DNAH8: variants seen among roughly 807,000 people sequenced by gnomAD.
DNAH8 encodes axonemal beta dynein heavy chain 8.
A neutral mutation model predicts 562.1 loss-of-function variants in DNAH8; 382 were observed. The ratio of observed to expected loss-of-function variants is 0.68; its 90% CI spans 0.63 to 0.74. The LOEUF (loss-of-function observed/expected upper bound fraction) is 0.74. Ranked by LOEUF, DNAH8 falls within the 30% of genes least tolerant of loss-of-function variation. DNAH8 has a pLI of 0.00. For synonymous variants in DNAH8, 1,881 were observed against 1,919.4 expected (o/e 0.98, Z 0.52); for missense variants, 5,203 against 5,620.4 (o/e 0.93, Z 2.37).
intron 4 of DNAH8, among the ~76,000 whole-genome samples, chr6:38,733,209 A>G (rs976628089): frequency 9.3e-5 from 13 of 139,764 alleles, no homozygotes; most frequent in African/African-American, 3.3e-4. Context: ...TATTTCTTTT[A>G]TTACATTTTA....
chr6:38,724,272 C>T (rs578195445), intron 3 of DNAH8, among the ~76,000 whole-genome samples: 3 of 152,226 alleles, frequency 2.0e-5, no homozygotes, highest in Admixed American at 2.0e-4. Flanking sequence ...TGAGCCACCG[C>T]ACCTGGCCCA....
chr6:38,842,070 G>A (rs1267120632), intron 33 of DNAH8, among the ~76,000 whole-genome samples: 3 of 152,156 alleles, frequency 2.0e-5, no homozygotes, highest in Non-Finnish European at 2.9e-5. Flanking sequence ...GCAATGATTG[G>A]TATAGTAAGT....
intron 45 of DNAH8, 34 bp from the exon 46 acceptor site, chr6:38,866,557 A>G (rs1777044876): frequency 7.0e-7 from 1 of 1,430,068 alleles, no homozygotes; most frequent in South Asian, 1.3e-5. Flanking sequence ...AAATTGTTTT[A>G]GCAATTAAAA....
At chr6:38,802,657 C>T (rs1418816714) in intron 21 of DNAH8, among the ~76,000 whole-genome samples, 1 of 152,298 alleles carries the variant, frequency 6.6e-6, no homozygotes, top group Non-Finnish European at 1.5e-5. Flanking sequence ...GTTTTCTCTG[C>T]TGTGAAATGG....
Position 38,822,926 on chromosome 6 carries a change from G to T in DNAH8, c.3612G>T (p.Leu1204=), listed in dbSNP as rs1773000063. The change falls in exon 27 of 93, where the codon CTG becomes CTT. Residue 1204 remains leucine, a synonymous_variant. Coordinates refer to ENST00000327475, the MANE Select transcript of DNAH8 (RefSeq NM_001206927.2). Reference sequence around the variant, plus strand: ...ACAAGGATATTTCTAAGTTGGTCCTGCTCCTTTCTTCCTCTGTAAATTCCC... The same window carrying T: ...ACAAGGATATTTCTAAGTTGGTCCTTCTCCTTTCTTCCTCTGTAAATTCCC... ...AEHKDISKLV[L]LLSSSVNSLR... is the part of the protein sequence containing the mutation. 2 of 1,613,520 alleles carry T rather than the reference G, an allele frequency of 1.2e-6. No homozygotes were observed. Among genetic ancestry groups the T allele is most frequent in the African/African-American group, 1.3e-5 (1 of 74,902 alleles).
Position 38,770,502 on chromosome 6 carries a change from G to A in DNAH8, c.1707G>A (p.Glu569=). ...AATCCTCAGGGGAAAAATCTTTTGA[G>A]GTTTCAGAAATGTATATATTTGGAA... ...ISESSGEKSF[E]VSEMYIFGKF... The change falls in exon 12 of 93, where the codon GAG becomes GAA. Residue 569 remains glutamate, a synonymous_variant. Transcript: ENST00000327475. 2 of 1,607,736 alleles carry A rather than the reference G, an allele frequency of 1.2e-6. No individual in the cohort carries two copies. Among genetic ancestry groups the A allele is most frequent in the South Asian group, 1.1e-5 (1 of 89,370 alleles).
chr6:38,725,614 C>T (rs565409105), intron 3 of DNAH8, among the ~76,000 whole-genome samples: 6 of 152,176 alleles, frequency 3.9e-5, no homozygotes, highest in African/African-American at 7.2e-5. Flanking sequence ...AGCAAGCAAC[C>T]GGAAGTAGGT....
chr6:38,813,628 A>G (rs1771990949), intron 24 of DNAH8, among the ~76,000 whole-genome samples: 1 of 152,176 alleles, frequency 6.6e-6, no homozygotes, highest in Non-Finnish European at 1.5e-5. Flanking sequence ...CTGTCTGTGC[A>G]TGAGTGATAT....
intron 75 of DNAH8, chr6:38,931,372 AC>A (rs1237030450): frequency 3.9e-5 from 6 of 152,268 alleles, no homozygotes; most frequent in African/African-American, 1.4e-4. Context: ...CTTCAGATAT[AC>A]CTATGAAATT....
At chr6:38,789,478 G>A (rs1769491369) in intron 18 of DNAH8, among the ~76,000 whole-genome samples, 1 of 152,088 alleles carries the variant, frequency 6.6e-6, no homozygotes, top group Admixed American at 6.5e-5. Flanking sequence ...TGTGTCAGAA[G>A]ATAAGGAACA....
At chr6:38,878,449 AAGCAG>A in intron 53 of DNAH8, among the ~76,000 whole-genome samples, 1 of 152,280 alleles carries the variant, frequency 6.6e-6, no homozygotes, top group East Asian at 1.9e-4. Context: ...AACCCAAAGT[AAGCAG>A]AAGAAAGAAC....
At chr6:38,999,775 G>C (rs1450861759) in intron 88 of DNAH8, among the ~76,000 whole-genome samples, 1 of 150,748 alleles carries the variant, frequency 6.6e-6, no homozygotes, top group Non-Finnish European at 1.5e-5. Context: ...GAGATAGATA[G>C]AAAGATAGAT....
At chr6:38,911,344 C>A in intron 65 of DNAH8, 124 bp from the exon 66 acceptor site, 1 of 783,008 alleles carries the variant, frequency 1.3e-6, no homozygotes, top group Non-Finnish European at 2.2e-6. Flanking sequence ...AAACCTTGCT[C>A]AAGTCCTGTC....
chr6:38,832,470 G>C lies in DNAH8; in HGVS notation c.4302+35G>C, dbSNP rs754924847. On this transcript the variant is annotated intron_variant, in intron 31 of 92. Coordinates refer to ENST00000327475, the MANE Select transcript of DNAH8 (RefSeq NM_001206927.2). Reference sequence around the variant, plus strand: ...GTATTTTCTTGCTGTATGTTGAAATGTTCTGTGATGTGTTTATATGAAATG... The same window carrying C: ...GTATTTTCTTGCTGTATGTTGAAATCTTCTGTGATGTGTTTATATGAAATG... The C allele has an allele frequency of 2.4e-6, 3 of 1,261,578 alleles. No individual in the cohort carries two copies. In the East Asian group the frequency reaches 7.1e-5, roughly 30 times the overall value. The allele number at this position is 1,261,578 out of a possible 1,614,324, so 78.1% of individuals were successfully genotyped here.
chr6:38,829,449 A>G (rs1773647467), intron 30 of DNAH8, among the ~76,000 whole-genome samples: 1 of 152,158 alleles, frequency 6.6e-6, no homozygotes, highest in South Asian at 2.1e-4. Flanking sequence ...TTTTCTTATG[A>G]GAGTTTTATA....
chr6:38,772,006 G>A (rs1450087194), intron 12 of DNAH8, among the ~76,000 whole-genome samples: 1 of 150,788 alleles, frequency 6.6e-6, no homozygotes, highest in Non-Finnish European at 1.5e-5. Flanking sequence ...CATTCTAACA[G>A]CAAAGTATGA....
At chr6:38,904,170 A>G (rs920470943) in intron 62 of DNAH8, among the ~76,000 whole-genome samples, 32 of 152,186 alleles carry the variant, frequency 2.1e-4, no homozygotes, top group Admixed American at 1.9e-3. Context: ...TTTGAAGGGT[A>G]AAGTGAGAAT....
At chr6:38,969,276 AT>A (rs1191440897) in intron 82 of DNAH8, among the ~76,000 whole-genome samples, 2 of 152,238 alleles carry the variant, frequency 1.3e-5, no homozygotes, top group Non-Finnish European at 2.9e-5. Context: ...CATAATTTAT[AT>A]GGAAATTATA....
At chr6:38,879,339 C>T (rs1236588031) in intron 53 of DNAH8, among the ~76,000 whole-genome samples, 2 of 152,046 alleles carry the variant, frequency 1.3e-5, no homozygotes, top group African/African-American at 4.8e-5. Context: ...TCCTCAGGAA[C>T]ATTGACGAAA....
Sources: allele counts gnomAD v4.1 joint callset (sites outside exome capture counted in the v4.1 genomes callset), GRCh38; gene constraint gnomAD v4.1.1; transcripts MANE v1.5; gene names NCBI Gene and HGNC (gene_info 2026-07-23, HGNC 2026-07-21).